Variants in CPNE2 observed in about 807,000 individuals in gnomAD.
The protein encoded by CPNE2 is copine-2.
Under a neutral mutation model 69.7 loss-of-function variants are expected in CPNE2, and 42 were observed. The observed-to-expected ratio is 0.60, with a 90% confidence interval of 0.47 to 0.78. The LOEUF is 0.78. Ranked by LOEUF, CPNE2 falls within the 30% of genes least tolerant of loss-of-function variation. The probability of loss-of-function intolerance (pLI) is 0.00; values close to 1 mark genes in which losing one functional copy is unlikely to be tolerated. For missense variants in CPNE2, 587 were observed against 732.0 expected (o/e 0.80, Z 2.29); for synonymous variants, 294 against 289.8 (o/e 1.01, Z -0.15).
intron 1 of CPNE2, among the ~76,000 whole-genome samples, chr16:57,109,644 T>C (rs764250084): frequency 4.6e-5 from 7 of 152,206 alleles, no homozygotes; most frequent in Non-Finnish European, 1.0e-4. Flanking sequence ...GGTCACTTCC[T>C]GATGTTGCCA....
intron 12 of CPNE2, 61 bp from the exon 13 acceptor site, chr16:57,134,714 G>T: frequency 6.3e-7 from 1 of 1,595,018 alleles, no homozygotes; most frequent in Non-Finnish European, 8.6e-7. Context: ...GCAGTGGGTG[G>T]TGGCCTGGGT....
intron 15 of CPNE2, 121 bp from the exon 16 acceptor site, chr16:57,147,430 C>T (rs1282898964): frequency 4.8e-6 from 3 of 631,432 alleles, no homozygotes; most frequent in Non-Finnish European, 7.7e-6. Flanking sequence ...GGCCCGCAGC[C>T]CTAATTTTGT....
At position 57,138,231 on chromosome 16, in the gene CPNE2, A is replaced by G. The variant is rs534086727; in HGVS notation, c.1302+949A>G. On this transcript the variant is annotated intron_variant, in intron 14 of 15. Transcript: ENST00000290776. ...CACCCCTTTCTCATCTTCCACCTCC[A>G]TTGAAAGAAGAGGGTTGCTGAAGTC... 4.6e-5 allele frequency among the ~76,000 whole-genome samples: 7 copies of G among 152,098 alleles called. No homozygotes were observed. In the East Asian group the frequency reaches 1.4e-3, roughly 29 times the overall value.
intron 5 of CPNE2, among the ~76,000 whole-genome samples, chr16:57,118,417 C>T (rs2069736345): frequency 6.6e-6 from 1 of 151,480 alleles, no homozygotes; most frequent in South Asian, 2.1e-4. Flanking sequence ...TTGTGATCCG[C>T]CTACCTCGGC....
intron 5 of CPNE2, among the ~76,000 whole-genome samples, chr16:57,118,192 G>A (rs1395829390): frequency 7.0e-6 from 1 of 143,452 alleles, no homozygotes; most frequent in Non-Finnish European, 1.5e-5. Flanking sequence ...TTGAGACAGA[G>A]TCCTGCTCTG....
At chr16:57,140,485 T>A (rs1393983098) in intron 14 of CPNE2, among the ~76,000 whole-genome samples, 1 of 151,538 alleles carries the variant, frequency 6.6e-6, no homozygotes, top group Non-Finnish European at 1.5e-5. Context: ...TTTCCTCTTA[T>A]GAAATGGGCG....
At chr16:57,120,417 C>T (rs1020691756) in intron 7 of CPNE2, among the ~76,000 whole-genome samples, 11 of 149,154 alleles carry the variant, frequency 7.4e-5, no homozygotes, top group East Asian at 2.0e-4. Context: ...CACCCTCTCA[C>T]GGTCTTTAGT....
At chr16:57,099,472 C>A (rs2069599049) in intron 1 of CPNE2, among the ~76,000 whole-genome samples, 2 of 151,772 alleles carry the variant, frequency 1.3e-5, no homozygotes, top group East Asian at 3.9e-4. Context: ...AATGTTTCTC[C>A]TAAGTGGTTG....
At chr16:57,133,616 C>A (rs2069854500) in intron 12 of CPNE2, among the ~76,000 whole-genome samples, 1 of 152,180 alleles carries the variant, frequency 6.6e-6, no homozygotes, top group African/African-American at 2.4e-5. Flanking sequence ...TGTGCCCAGA[C>A]AAAAGCCCTC....
rs1271471984 is a variant in CPNE2, at chr16:57,121,167, G to A, written c.756G>A (p.Met252Ile). The A allele has an allele frequency of 3.1e-6, 5 of 1,614,074 alleles. No homozygotes were observed. Among genetic ancestry groups the A allele is most frequent in the Non-Finnish European group, 4.2e-6 (5 of 1,179,988 alleles). Reference sequence around the variant, plus strand: ...AGTTCCAGACCTCAGTGTCACAGATGTGTGAGGCTCGAGACAGCGTCCCGG... The same window carrying A: ...AGTTCCAGACCTCAGTGTCACAGATATGTGAGGCTCGAGACAGCGTCCCGG... ...IGEFQTSVSQ[M>I]CEARDSVPLE... The change falls in exon 8 of 16, where the codon ATG becomes ATA. Residue 252 changes from methionine (M) to isoleucine (I), a missense_variant. By Grantham distance (10) the Met-to-Ile change is conservative. This residue lies in a region of CPNE2 where 269 missense variants were observed against 300.5 expected (regional missense o/e 0.90). Coordinates refer to ENST00000290776, the MANE Select transcript of CPNE2 (RefSeq NM_152727.6).
intron 5 of CPNE2, 110 bp downstream of exon 5, chr16:57,117,677 G>A: frequency 1.6e-6 from 2 of 1,281,138 alleles, no homozygotes; most frequent in Admixed American, 2.0e-5. Context: ...CACATTCTAG[G>A]GACTGGTCCA....
chr16:57,147,901 G>A lies in CPNE2; in HGVS notation c.*243G>A, dbSNP rs1213410029. On this transcript the variant is annotated 3_prime_UTR_variant, in exon 16 of 16. Transcript: ENST00000290776. ...CTCTCCCCACCTTTGCCATTCTTAA[G>A]TATTGAATGTACTTTGTATAATTTT... 2.6e-6 allele frequency: 1 copy of A among 384,450 alleles called. No homozygotes were observed. The highest frequency in any genetic ancestry group is 2.1e-5 in the African/African-American group (1 of 48,666). The allele number at this position is 384,450 out of a possible 1,614,324, so 23.8% of individuals were successfully genotyped here. A position where few individuals can be genotyped will look rare whatever the true frequency, so the allele number is the denominator to read the frequency against.
At chr16:57,107,317 A>G (rs899506350) in intron 1 of CPNE2, among the ~76,000 whole-genome samples, 1 of 152,228 alleles carries the variant, frequency 6.6e-6, no homozygotes, top group South Asian at 2.1e-4. Flanking sequence ...ACAAGGTTCT[A>G]GGAACAAAGG....
Position 57,121,155 on chromosome 16 carries a change from A to G in CPNE2, c.744A>G (p.Ser248=), listed in dbSNP as rs777227408. 3.7e-6 allele frequency: 6 copies of G among 1,614,032 alleles called. No homozygotes were observed. The highest frequency in any genetic ancestry group is 5.1e-6 in the Non-Finnish European group (6 of 1,179,942). ...GHDFIGEFQT[S]VSQMCEARDS... is the part of the protein sequence containing the mutation. ...ACTTCATCGGCGAGTTCCAGACCTC[A>G]GTGTCACAGATGTGTGAGGCTCGAG... The change falls in exon 8 of 16, where the codon TCA becomes TCG. Residue 248 remains serine, a synonymous_variant. Transcript: ENST00000290776.
intron 1 of CPNE2, among the ~76,000 whole-genome samples, chr16:57,104,598 A>C (rs1412762473): frequency 1.3e-5 from 2 of 152,198 alleles, no homozygotes; most frequent in Non-Finnish European, 2.9e-5. Context: ...AGGTGCTCAC[A>C]TATGCAGATA....
chr16:57,092,660 G>A lies in CPNE2; in HGVS notation c.-166G>A, dbSNP rs1186149017. On this transcript the variant is annotated 5_prime_UTR_variant, in exon 1 of 16. Transcript: ENST00000290776. The surrounding 1 kb of genome is among the most constrained non-coding windows in gnomAD (Gnocchi z 5.3). ...ACGCGAGCGGGCCGTGGCCGCGCGG[G>A]CAGCGCCCTGAGCCTGTCCCGCGCC... 2.0e-5 allele frequency: 3 copies of A among 148,750 alleles called. No homozygotes were observed. The highest frequency in any genetic ancestry group is 4.5e-5 in the Non-Finnish European group (3 of 66,456). The allele number at this position is 148,750 out of a possible 1,614,324, so 9.2% of individuals were successfully genotyped here.
intron 11 of CPNE2, among the ~76,000 whole-genome samples, chr16:57,126,407 C>T (rs1461687839): frequency 1.3e-5 from 2 of 152,220 alleles, no homozygotes; most frequent in Non-Finnish European, 2.9e-5. Context: ...GCGCCTAGTT[C>T]CCTAATGGTC....
At chr16:57,123,601 A>C in intron 10 of CPNE2, 128 bp downstream of exon 10, 1 of 1,003,096 alleles carries the variant, frequency 1.0e-6, no homozygotes, top group Non-Finnish European at 1.5e-6. Context: ...TGGGGCAAAG[A>C]GTGTGTGCGG....
At chr16:57,093,720 G>A (rs1162508765) in intron 1 of CPNE2, among the ~76,000 whole-genome samples, 1 of 152,216 alleles carries the variant, frequency 6.6e-6, no homozygotes, top group African/African-American at 2.4e-5. Flanking sequence ...CAGACAAAAC[G>A]CCCTTTTTTT....
Sources: gnomAD v4.1 joint callset for allele counts (sites outside exome capture counted in the v4.1 genomes callset) on GRCh38, gnomAD v4.1.1 for gene constraint, gnomAD v4.1.1 regional missense constraint, Gnocchi (gnomAD v3.1) non-coding constraint, MANE v1.5 for transcripts, NCBI Gene and HGNC (gene_info 2026-07-23, HGNC 2026-07-21) for gene names.